The following LRP1B variants were observed in gnomAD, a reference collection of about 807,000 sequenced individuals.
LRP1B encodes LDL receptor related protein 1B.
Under a neutral mutation model 556.6 loss-of-function variants are expected in LRP1B, and 217 were observed. That is an observed-to-expected ratio of 0.39 (90% CI 0.35 to 0.44). The LOEUF is 0.44. Among genes scored for constraint, LRP1B ranks in the 20% least tolerant of loss-of-function variants. LRP1B has a pLI of 1.00. For synonymous variants in LRP1B, 2,047 were observed against 1,865.8 expected (o/e 1.10, Z -2.50); for missense variants, 5,053 against 5,620.8 (o/e 0.90, Z 3.23).
chr2:142,026,510 C>CT (rs917263488), intron 1 of LRP1B, among the ~76,000 whole-genome samples: 1 of 152,034 alleles, frequency 6.6e-6, no homozygotes, highest in Admixed American at 6.6e-5. Flanking sequence ...TATAGGTATA[C>CT]TTTTTTTCTA....
chr2:141,749,227 T>C (rs1694021223), intron 2 of LRP1B, among the ~76,000 whole-genome samples: 1 of 152,190 alleles, frequency 6.6e-6, no homozygotes, highest in Non-Finnish European at 1.5e-5. Context: ...TCATGCTTGA[T>C]ATGGAAAACA....
intron 32 of LRP1B, among the ~76,000 whole-genome samples, chr2:140,808,045 T>C (rs2105024057): frequency 6.6e-6 from 1 of 152,274 alleles, no homozygotes; most frequent in African/African-American, 2.4e-5. Context: ...TGAGCCAAGA[T>C]TACGCCACTG....
chr2:141,169,285 C>G (rs1483631842), intron 7 of LRP1B, among the ~76,000 whole-genome samples: 2 of 124,948 alleles, frequency 1.6e-5, no homozygotes, highest in African/African-American at 6.0e-5. Context: ...GACTCTGTCT[C>G]AAAAATAAAT....
intron 3 of LRP1B, among the ~76,000 whole-genome samples, chr2:141,299,954 A>G (rs1686324353): frequency 6.6e-6 from 1 of 152,206 alleles, no homozygotes; most frequent in Admixed American, 6.5e-5. Context: ...ATATGATGGC[A>G]TTAGGACATG....
At position 140,996,354 on chromosome 2, in the gene LRP1B, T is replaced by G. The variant is rs566978154; in HGVS notation, c.2504-2219A>C. Among the ~76,000 whole-genome samples the G allele has an allele frequency of 3.3e-5, 5 of 152,086 alleles. No individual in the cohort carries two copies. The South Asian group carries it at 1.0e-3, about 32-fold the overall frequency. On this transcript the variant is annotated intron_variant, in intron 15 of 90. Coordinates refer to ENST00000389484, the MANE Select transcript of LRP1B (RefSeq NM_018557.3). ...TAATAGGCTAGCTAGCAATATCTAT[T>G]ATAAAGAAAACATTTAATGTGCCAA...
chr2:141,897,383 G>A (rs550543138), intron 1 of LRP1B, among the ~76,000 whole-genome samples: 1 of 152,278 alleles, frequency 6.6e-6, no homozygotes, highest in Admixed American at 6.5e-5. Flanking sequence ...CATGAAGGAT[G>A]TTACTTAGGG....
chr2:141,789,964 G>A (rs988110447), intron 2 of LRP1B, among the ~76,000 whole-genome samples: 1 of 151,868 alleles, frequency 6.6e-6, no homozygotes, highest in African/African-American at 2.4e-5. Context: ...GCACTCTATA[G>A]TCCCTGAAGT....
chr2:140,417,105 C>A (rs868743491), intron 66 of LRP1B, among the ~76,000 whole-genome samples: 1 of 151,918 alleles, frequency 6.6e-6, no homozygotes, highest in East Asian at 1.9e-4. Context: ...GACAAAGCAC[C>A]GTGCATTAAA....
At position 140,305,263 on chromosome 2, in the gene LRP1B, C is replaced by T. The variant is rs141472135; in HGVS notation, c.12806-7294G>A. Among the ~76,000 whole-genome samples, 1,154 of 152,232 alleles carry T rather than the reference C, an allele frequency of 7.6e-3. 14 individuals carry two copies. Among genetic ancestry groups the T allele is most frequent in the African/African-American group, 0.026 (1,065 of 41,536 alleles). ...ACCTTGGGCAGTATGGCCATTTTCA[C>T]GATACTGATTCTTCCTATCCATGAG... On this transcript the variant is annotated intron_variant, in intron 83 of 90. Coordinates refer to ENST00000389484, the MANE Select transcript of LRP1B (RefSeq NM_018557.3).
intron 3 of LRP1B, among the ~76,000 whole-genome samples, chr2:141,265,635 C>T (rs970271705): frequency 2.6e-5 from 4 of 152,160 alleles, no homozygotes; most frequent in African/African-American, 9.7e-5. Flanking sequence ...TGCTATGTTT[C>T]TTCCACTGAA....
intron 1 of LRP1B, among the ~76,000 whole-genome samples, chr2:142,101,567 T>C (rs1706570086): frequency 6.6e-6 from 1 of 152,020 alleles, no homozygotes; most frequent in African/African-American, 2.4e-5. Flanking sequence ...CAAATGAAGC[T>C]ATTACTTAAG....
chr2:141,092,494 G>A (rs916579395), intron 7 of LRP1B, among the ~76,000 whole-genome samples: 9 of 152,140 alleles, frequency 5.9e-5, no homozygotes, highest in Admixed American at 5.9e-4. Flanking sequence ...AGAGGTCCAG[G>A]TATAAGATAA....
intron 1 of LRP1B, among the ~76,000 whole-genome samples, chr2:141,908,047 T>C (rs1011684013): frequency 3.9e-5 from 6 of 152,056 alleles, no homozygotes; most frequent in Admixed American, 3.9e-4. Flanking sequence ...TTAATCACTT[T>C]CTATTATAAA....
At position 140,804,424 on chromosome 2, in the gene LRP1B, T is replaced by C. The variant is rs181637642; in HGVS notation, c.5359+9233A>G. On this transcript the variant is annotated intron_variant, in intron 32 of 90. Coordinates refer to ENST00000389484, the MANE Select transcript of LRP1B (RefSeq NM_018557.3). Reference sequence around the variant, plus strand: ...GCTAATTTTACTGTTTTTTATTGTATGTATTTTTTAAATTTTTCTCTTATT... The same window carrying C: ...GCTAATTTTACTGTTTTTTATTGTACGTATTTTTTAAATTTTTCTCTTATT... Among the ~76,000 whole-genome samples the C allele has an allele frequency of 6.6e-3, 999 of 152,136 alleles. 10 individuals carry two copies. The highest frequency in any genetic ancestry group is 8.6e-3 in the Non-Finnish European group (586 of 67,980).
intron 25 of LRP1B, among the ~76,000 whole-genome samples, chr2:140,872,359 G>GTTTTTTTT (rs1693163328): frequency 2.6e-5 from 1 of 38,054 alleles, no homozygotes; most frequent in Admixed American, 3.9e-4. Context: ...TGTGTCACCT[G>GTTTTTTTT]ATTTTTTTTT....
intron 1 of LRP1B, among the ~76,000 whole-genome samples, chr2:142,095,139 CTT>C (rs35384210): frequency 4.8e-5 from 7 of 147,254 alleles, no homozygotes; most frequent in Non-Finnish European, 9.0e-5. Flanking sequence ...TATAAAAAAG[CTT>C]TTTTTTTTTT....
At chr2:141,322,740 A>G (rs1035788929) in intron 3 of LRP1B, among the ~76,000 whole-genome samples, 6 of 152,102 alleles carry the variant, frequency 3.9e-5, no homozygotes, top group Middle Eastern at 6.8e-3. Context: ...ACAATTCTAC[A>G]TGTTCCCCTT....
At chr2:141,113,345 T>C (rs1275818094) in intron 7 of LRP1B, among the ~76,000 whole-genome samples, 1 of 152,106 alleles carries the variant, frequency 6.6e-6, no homozygotes, top group Non-Finnish European at 1.5e-5. Context: ...ACTAAAAAGC[T>C]TTCTTAAATA....
chr2:140,410,349 AT>A (rs951566937), intron 66 of LRP1B, among the ~76,000 whole-genome samples: 110 of 146,974 alleles, frequency 7.5e-4, no homozygotes, highest in African/African-American at 1.8e-3. Context: ...CAAAGTATTG[AT>A]TTTTTTTTTT....
Sources: allele counts gnomAD v4.1 joint callset (sites outside exome capture counted in the v4.1 genomes callset), GRCh38; gene constraint gnomAD v4.1.1; transcripts MANE v1.5; gene names NCBI Gene and HGNC (gene_info 2026-07-23, HGNC 2026-07-21).